AFG2A: variants seen among roughly 807,000 people sequenced by gnomAD.
AFG2A encodes AAA ATPase AFG2A, also known as ATPase family gene 2 protein homolog A.
the AFG2A span, among the ~76,000 whole-genome samples, chr4:122,931,791 C>A: frequency 2.6e-5 from 4 of 152,154 alleles, no homozygotes; most frequent in Admixed American, 6.5e-5. Flanking sequence ...GTCACCTCAT[C>A]CTACATGGTA....
chr4:122,978,060 C>T, the AFG2A span, among the ~76,000 whole-genome samples: 1 of 151,770 alleles, frequency 6.6e-6, no homozygotes, highest in African/African-American at 2.4e-5. Flanking sequence ...AGTGCATGTC[C>T]AGCTCTCAGT....
At chr4:122,954,834 C>CG in the AFG2A span, among the ~76,000 whole-genome samples, 1 of 152,030 alleles carries the variant, frequency 6.6e-6, no homozygotes, top group African/African-American at 2.4e-5. Context: ...AGATCCACCC[C>CG]CTGCAACAGC....
the AFG2A span, among the ~76,000 whole-genome samples, chr4:122,996,749 C>G: frequency 6.6e-6 from 1 of 152,056 alleles, no homozygotes; most frequent in East Asian, 1.9e-4. Flanking sequence ...GTCCAAGTCC[C>G]AGGGTCTCAT....
the AFG2A span, among the ~76,000 whole-genome samples, chr4:123,147,955 T>G: frequency 6.6e-6 from 1 of 151,914 alleles, no homozygotes; most frequent in Non-Finnish European, 1.5e-5. Context: ...TTTCTAAGAA[T>G]TATTACAAGA....
At chr4:123,074,764 C>T in the AFG2A span, among the ~76,000 whole-genome samples, 1 of 152,106 alleles carries the variant, frequency 6.6e-6, no homozygotes, top group African/African-American at 2.4e-5. Context: ...GATCTCTCCT[C>T]TTCTTAAGAG....
the AFG2A span, among the ~76,000 whole-genome samples, chr4:123,018,995 A>G: frequency 6.6e-6 from 1 of 152,164 alleles, no homozygotes; most frequent in East Asian, 1.9e-4. Context: ...ACAAAAAAAA[A>G]TGAAGATAAT....
At chr4:122,933,359 A>G in the AFG2A span, 5 of 1,070,846 alleles carry the variant, frequency 4.7e-6, no homozygotes, top group Admixed American at 8.3e-5. Context: ...TATTATAACC[A>G]TATACATGTA....
the AFG2A span, chr4:123,256,025 C>A: frequency 3.7e-6 from 6 of 1,613,862 alleles, no homozygotes; most frequent in Non-Finnish European, 5.1e-6. Flanking sequence ...GGCTTTGATG[C>A]GGCCTGGAAG....
chr4:123,050,613 A>G, the AFG2A span, among the ~76,000 whole-genome samples: 1 of 152,114 alleles, frequency 6.6e-6, no homozygotes, highest in African/African-American at 2.4e-5. Context: ...TCTGATATAA[A>G]TATAGCTACT....
chr4:122,995,869 A>G, the AFG2A span, among the ~76,000 whole-genome samples: 1 of 152,230 alleles, frequency 6.6e-6, no homozygotes, highest in East Asian at 1.9e-4. Context: ...TAAAGGAGAT[A>G]ATAATTCGCA....
chr4:123,114,509 G>T, the AFG2A span, among the ~76,000 whole-genome samples: 1 of 152,322 alleles, frequency 6.6e-6, no homozygotes, highest in East Asian at 1.9e-4. Flanking sequence ...CAGGAGGCTG[G>T]TGTGTCAGTG....
At chr4:123,301,441 A>T in the AFG2A span, among the ~76,000 whole-genome samples, 3,702 of 152,300 alleles carry the variant, frequency 0.024, 144 homozygotes, top group African/African-American at 0.084. Flanking sequence ...AAAATAAAAA[A>T]GATACATGAG....
the AFG2A span, chr4:122,929,203 GCTC>G: frequency 6.4e-7 from 1 of 1,559,758 alleles, no homozygotes; most frequent in Non-Finnish European, 8.6e-7. Flanking sequence ...CTGAGGTTTG[GCTC>G]TTTTCTTTGG....
the AFG2A span, among the ~76,000 whole-genome samples, chr4:123,087,433 A>G: frequency 2.6e-5 from 4 of 152,236 alleles, no homozygotes; most frequent in Non-Finnish European, 5.9e-5. Flanking sequence ...TAAAACCTCA[A>G]TAACATAAGC....
the AFG2A span, among the ~76,000 whole-genome samples, chr4:123,243,834 T>C: frequency 1.3e-5 from 2 of 151,668 alleles, no homozygotes; most frequent in East Asian, 3.9e-4. Flanking sequence ...CTGGGCACCG[T>C]AGGGAGACCC....
the AFG2A span, among the ~76,000 whole-genome samples, chr4:122,948,341 A>G: frequency 1.3e-5 from 2 of 151,440 alleles, no homozygotes; most frequent in African/African-American, 2.4e-5. Flanking sequence ...CAAATACTCC[A>G]TAGATACTAA....
chr4:123,113,973 T>G, the AFG2A span, among the ~76,000 whole-genome samples: 3 of 151,392 alleles, frequency 2.0e-5, no homozygotes, highest in African/African-American at 7.3e-5. Flanking sequence ...AATGTTCAGC[T>G]CTTAGCAGAG....
chr4:123,080,583 A>G, the AFG2A span, among the ~76,000 whole-genome samples: 54 of 151,420 alleles, frequency 3.6e-4, no homozygotes, highest in East Asian at 9.7e-3. Context: ...CTAACTATGT[A>G]TTTTTTCTCG....
the AFG2A span, among the ~76,000 whole-genome samples, chr4:123,121,584 T>C: frequency 6.6e-6 from 1 of 152,244 alleles, no homozygotes; most frequent in Non-Finnish European, 1.5e-5. Flanking sequence ...AATACCATTG[T>C]GTTACAGTTG....
Sources: allele counts gnomAD v4.1 joint callset (sites outside exome capture counted in the v4.1 genomes callset), GRCh38; gene constraint gnomAD v4.1.1; transcripts MANE v1.5; gene names NCBI Gene and HGNC (gene_info 2026-07-23, HGNC 2026-07-21).